The following LYPD1 variants were observed in gnomAD, a reference collection of about 807,000 sequenced individuals.
LYPD1 encodes LY6/PLAUR domain containing 1.
A neutral mutation model predicts 14.2 loss-of-function variants in LYPD1; 14 were observed. The observed-to-expected ratio is 0.99, with a 90% confidence interval of 0.65 to 1.54. LYPD1 has a LOEUF of 1.54. Among genes scored for constraint, LYPD1 ranks in the 40% most tolerant of loss-of-function variants. LYPD1 has a pLI of 0.00. For synonymous variants in LYPD1, 85 were observed against 70.6 expected (o/e 1.20, Z -1.02); for missense variants, 165 against 175.7 (o/e 0.94, Z 0.34).
At chr2:132,656,868 A>G (rs908694505) in intron 2 of LYPD1, among the ~76,000 whole-genome samples, 5 of 152,234 alleles carry the variant, frequency 3.3e-5, no homozygotes, top group African/African-American at 9.6e-5. Context: ...TCCACACTGC[A>G]TATCCATACT....
chr2:132,670,836 T>C (rs1258554506), upstream of LYPD1, among the ~76,000 whole-genome samples: 4 of 152,056 alleles, frequency 2.6e-5, no homozygotes, highest in African/African-American at 9.7e-5. The surrounding 1 kb of genome is among the most constrained non-coding windows in gnomAD (Gnocchi z 4.5). Context: ...CTGCCTTAAC[T>C]GTCTCACTTG....
chr2:132,645,803 T>TG lies in LYPD1; in HGVS notation c.*241dup, dbSNP rs1268548245. 1 of 764,648 alleles carries TG rather than the reference T, an allele frequency of 1.3e-6. No individual in the cohort carries two copies. Among genetic ancestry groups the TG allele is most frequent in the Non-Finnish European group, 2.0e-6 (1 of 489,272 alleles). 47.4% of individuals were successfully genotyped at this position (764,648 alleles called of 1,614,324 possible). On this transcript the variant is annotated 3_prime_UTR_variant, in exon 3 of 3. Coordinates refer to ENST00000397463, the MANE Select transcript of LYPD1 (RefSeq NM_144586.7). ...GGCCTTGACTCCGGTTACACAGACA[T>TG]GGGGGTGAACTTTCACTCCACCTCC... is the stretch of plus-strand genomic sequence containing the variant.
chr2:132,649,483 G>A (rs1682269972), intron 2 of LYPD1, among the ~76,000 whole-genome samples: 2 of 152,180 alleles, frequency 1.3e-5, no homozygotes, highest in Admixed American at 1.3e-4. Context: ...GCTGGCGATG[G>A]GAACGGAGGT....
rs1406351672 is a variant in LYPD1, at chr2:132,646,360, G to T, written c.191-80C>A. The T allele has an allele frequency of 3.1e-6, 3 of 972,180 alleles. No individual in the cohort carries two copies. The Admixed American group carries it at 1.2e-4, about 38-fold the overall frequency. 60.2% of individuals were successfully genotyped at this position (972,180 alleles called of 1,614,324 possible). A position where few individuals can be genotyped will look rare whatever the true frequency, so the allele number is the denominator to read the frequency against. ...GTCCCTCTCAGCCCAAATCCAAACG[G>T]ACAGCTCTTCCTTACTCCTCCCACA... On this transcript the variant is annotated intron_variant, in intron 2 of 2. Transcript: ENST00000397463.
intron 2 of LYPD1, among the ~76,000 whole-genome samples, chr2:132,648,062 G>T (rs1201643967): frequency 6.6e-6 from 1 of 152,198 alleles, no homozygotes. Flanking sequence ...TACAGAGGAT[G>T]CCTGTATCTA....
In LYPD1 at chr2:132,644,861, T is replaced by TAAAGC; in HGVS notation, c.*1179_*1183dup. ...CATCAACTGGTATAAATACACTGTCTAAAGCATTTAATGGTCTTTCTTTAA... is the reference window on the plus strand; with the variant it reads ...CATCAACTGGTATAAATACACTGTCTAAAGCAAAGCATTTAATGGTCTTTCTTTAA... On this transcript the variant is annotated 3_prime_UTR_variant, in exon 3 of 3. Coordinates refer to ENST00000397463, the MANE Select transcript of LYPD1 (RefSeq NM_144586.7). 1 of 557,430 alleles carries TAAAGC rather than the reference T, an allele frequency of 1.8e-6. No homozygotes were observed. The highest frequency in any genetic ancestry group is 2.4e-5 in the South Asian group (1 of 42,494). The allele number at this position is 557,430 out of a possible 1,614,324, so 34.5% of individuals were successfully genotyped here. A position where few individuals can be genotyped will look rare whatever the true frequency, so the allele number is the denominator to read the frequency against.
At chr2:132,658,700 G>A (rs1447478252) in intron 2 of LYPD1, among the ~76,000 whole-genome samples, 1 of 152,132 alleles carries the variant, frequency 6.6e-6, no homozygotes, top group Non-Finnish European at 1.5e-5. Context: ...CAAACTGAAT[G>A]GTTTAGAAGT....
At chr2:132,648,421 T>G (rs1226173159) in intron 2 of LYPD1, among the ~76,000 whole-genome samples, 1 of 152,272 alleles carries the variant, frequency 6.6e-6, no homozygotes, top group Non-Finnish European at 1.5e-5. Context: ...TCTTCCAGGC[T>G]GGTTTCTGTA....
chr2:132,645,591 G>A lies in LYPD1; in HGVS notation c.*454C>T. 6.2e-7 allele frequency: 1 copy of A among 1,611,356 alleles called. No homozygotes were observed. Among genetic ancestry groups the A allele is most frequent in the African/African-American group, 1.3e-5 (1 of 74,814 alleles). ...ATTCTGCTGCAGAGAATGGTTTTCA[G>A]GAGCATGAAGTTTGAATGTCAAGCG... On this transcript the variant is annotated 3_prime_UTR_variant, in exon 3 of 3. Transcript: ENST00000397463.
intron 2 of LYPD1, among the ~76,000 whole-genome samples, chr2:132,653,707 C>T (rs917524108): frequency 1.3e-5 from 2 of 152,080 alleles, no homozygotes; most frequent in Non-Finnish European, 2.9e-5. Flanking sequence ...GTGGAAAAAC[C>T]CAGCAGATAC....
intron 2 of LYPD1, among the ~76,000 whole-genome samples, chr2:132,663,921 T>C (rs1473061797): frequency 6.6e-6 from 1 of 152,200 alleles, no homozygotes; most frequent in Non-Finnish European, 1.5e-5. Context: ...GAATTTGTGA[T>C]CTCAGTATCT....
intron 2 of LYPD1, among the ~76,000 whole-genome samples, chr2:132,666,360 T>G (rs1356630558): frequency 6.6e-6 from 1 of 152,140 alleles, no homozygotes; most frequent in Non-Finnish European, 1.5e-5. Context: ...TTCTGTGGAG[T>G]TTAGGCTTAG....
At position 132,663,419 on chromosome 2, in the gene LYPD1, AT is replaced by A. The variant is rs571496503; in HGVS notation, c.190+4980del. Among the ~76,000 whole-genome samples, 22 of 152,186 alleles carry A rather than the reference AT, an allele frequency of 1.4e-4. No individual in the cohort carries two copies. The East Asian group carries it at 4.3e-3, about 30-fold the overall frequency. ...CTCCTGAGTAGCTGGGATTACAGGCATGTGCCACCACGCCCAGCTAATTTTT... is the reference window on the plus strand; with the variant it reads ...CTCCTGAGTAGCTGGGATTACAGGCAGTGCCACCACGCCCAGCTAATTTTT... On this transcript the variant is annotated intron_variant, in intron 2 of 2. Coordinates refer to ENST00000397463, the MANE Select transcript of LYPD1 (RefSeq NM_144586.7).
At chr2:132,667,305 C>CCACAA (rs1683335539) in intron 2 of LYPD1, among the ~76,000 whole-genome samples, 1 of 152,146 alleles carries the variant, frequency 6.6e-6, no homozygotes, top group Non-Finnish European at 1.5e-5. Flanking sequence ...TGCACACACA[C>CCACAA]CACAACACAA....
Position 132,645,360 on chromosome 2 carries a change from G to C in LYPD1, c.*685C>G, listed in dbSNP as rs777811895. 1 of 1,613,938 alleles carries C rather than the reference G, an allele frequency of 6.2e-7. No homozygotes were observed. Among genetic ancestry groups the C allele is most frequent in the Non-Finnish European group, 8.5e-7 (1 of 1,180,042 alleles). On this transcript the variant is annotated 3_prime_UTR_variant, in exon 3 of 3. Coordinates refer to ENST00000397463, the MANE Select transcript of LYPD1 (RefSeq NM_144586.7). ...CGCTGCAGCACGCCAACCACGAGAA[G>C]CGCCTGCGCGTACATGCGCACTCCA...
chr2:132,666,189 C>T (rs915558096), intron 2 of LYPD1, among the ~76,000 whole-genome samples: 4 of 152,184 alleles, frequency 2.6e-5, no homozygotes, highest in Admixed American at 2.0e-4. Flanking sequence ...TATACTACAA[C>T]TGTGTTCACT....
intron 2 of LYPD1, among the ~76,000 whole-genome samples, chr2:132,650,151 T>G (rs1428029157): frequency 1.3e-5 from 2 of 151,840 alleles, no homozygotes; most frequent in Admixed American, 1.3e-4. Flanking sequence ...ATTAGAAAAA[T>G]AGGGAAAGCA....
intron 2 of LYPD1, among the ~76,000 whole-genome samples, chr2:132,656,186 G>A (rs1682586261): frequency 6.6e-6 from 1 of 152,102 alleles, no homozygotes; most frequent in South Asian, 2.1e-4. Context: ...CTTTGCCTCT[G>A]CTCTTTTTTG....
At chr2:132,664,929 G>A (rs764712224) in intron 2 of LYPD1, among the ~76,000 whole-genome samples, 12 of 152,226 alleles carry the variant, frequency 7.9e-5, no homozygotes, top group South Asian at 2.1e-4. Flanking sequence ...AAGGGTGCTA[G>A]TAAATAGACA....
Sources: allele counts gnomAD v4.1 joint callset (sites outside exome capture counted in the v4.1 genomes callset), GRCh38; gene constraint gnomAD v4.1.1; non-coding constraint Gnocchi (gnomAD v3.1); transcripts MANE v1.5; gene names NCBI Gene and HGNC (gene_info 2026-07-23, HGNC 2026-07-21).